The following ARMCX4 variants were observed in gnomAD, a reference collection of about 807,000 sequenced individuals.
ARMCX4 encodes the protein armadillo repeat containing X-linked 4.
ARMCX4 carries 3 observed loss-of-function variants against 34.7 expected under a neutral mutation model. The observed-to-expected ratio is 0.09, with a 90% CI of 0.04 to 0.22. The LOEUF (loss-of-function observed/expected upper bound fraction) is 0.22, where lower values mean the gene tolerates loss of function less well. ARMCX4 is among the 10% of genes least tolerant of loss of function. ARMCX4 has a pLI of 1.00. For synonymous variants in ARMCX4, 513 were observed against 632.8 expected, an observed-to-expected ratio of 0.81 and a Z score of 2.84; for missense variants, 1,448 against 1,720.8, an observed-to-expected ratio of 0.84 and a Z score of 2.81.
At chrX:101,445,263 A>T (rs186100340) in intron 3 of ARMCX4, among the ~76,000 whole-genome samples, 3 of 112,310 alleles carry the variant, frequency 2.7e-5, no homozygotes, top group Non-Finnish European at 5.6e-5. Flanking sequence ...TTATTTGTAG[A>T]GTACTGGGCT....
exon 10 of ARMCX4, chrX:101,509,662 A>G (rs1365704370): frequency 1.8e-5 from 2 of 111,266 alleles, no homozygotes; most frequent in African/African-American, 6.5e-5. Context: ...TGGCCCCCCA[A>G]AGTGCTGGGA....
intron 4 of ARMCX4, among the ~76,000 whole-genome samples, chrX:101,479,823 G>T (rs1356556796): frequency 1.8e-5 from 2 of 109,908 alleles, no homozygotes; most frequent in Non-Finnish European, 3.8e-5. Context: ...AGTCCAACAA[G>T]ATTTTTTAAA....
Position 101,525,585 on chromosome X carries a change from C to T in ARMCX4, c.*1781-6059C>T, listed in dbSNP as rs782456825. On this transcript the variant is annotated intron_variant and NMD_transcript_variant, in intron 11 of 12. Transcript: ENST00000354842. Reference sequence around the variant, plus strand: ...CTAAAAACCTTGAAAAAAGATTAGACGAATGGCTAACTAGAATAAACTGTG... The same window carrying T: ...CTAAAAACCTTGAAAAAAGATTAGATGAATGGCTAACTAGAATAAACTGTG... Among the ~76,000 whole-genome samples the T allele has an allele frequency of 1.3e-4, 15 of 111,151 alleles. No homozygotes were observed. In the East Asian group the frequency reaches 1.7e-3, roughly 13 times the overall value.
rs1929867512 is a variant in ARMCX4 at position 101,429,562 on chromosome X, C to G, written n.164+10562C>G. On this transcript the variant is annotated intron_variant and non_coding_transcript_variant, in intron 2 of 3. Transcript: ENST00000430461. The stretch of plus-strand genomic sequence containing the variant: ...TGTTGGCCAGGCTGGTCTCAAACTC[C>G]TGACCTCAGGTGATCTGCCCACCTC... 3.6e-5 allele frequency among the ~76,000 whole-genome samples: 4 copies of G among 110,806 alleles called. No homozygotes were observed. The South Asian group carries it at 1.5e-3, about 43-fold the overall frequency.
chrX:101,487,109 G>A (rs1382756985), intron 2 of ARMCX4, 84 bp from the exon 3 acceptor site: 3 of 102,089 alleles, frequency 2.9e-5, no homozygotes, highest in African/African-American at 1.1e-4. Flanking sequence ...ATCCAGGCAG[G>A]CAGGTACAGG....
downstream of ARMCX4, among the ~76,000 whole-genome samples, chrX:101,446,953 CAAA>C (rs140484288): frequency 1.0e-5 from 1 of 96,172 alleles, no homozygotes; most frequent in Non-Finnish European, 2.1e-5. Flanking sequence ...GACTCCGTCT[CAAA>C]AAAAAAAAAA....
At chrX:101,440,479 G>A (rs1469916880) in intron 2 of ARMCX4, among the ~76,000 whole-genome samples, 1 of 111,954 alleles carries the variant, frequency 8.9e-6, no homozygotes, top group Admixed American at 9.5e-5. Context: ...GCTGCGTGCT[G>A]GGAGAACCAC....
intron 2 of ARMCX4, among the ~76,000 whole-genome samples, 176 bp downstream of exon 2, chrX:101,486,268 G>T (rs1349406971): frequency 9.1e-6 from 1 of 110,247 alleles, no homozygotes; most frequent in African/African-American, 3.3e-5. Context: ...GAAGACCAAT[G>T]AAGACAGCAA....
chrX:101,497,184 G>C (rs939479839), downstream of ARMCX4, among the ~76,000 whole-genome samples: 2 of 111,135 alleles, frequency 1.8e-5, no homozygotes, highest in Non-Finnish European at 3.8e-5. Context: ...AATATTAATA[G>C]TTTTCTGTGG....
chrX:101,451,592 T>C (rs1555999098), downstream of ARMCX4, among the ~76,000 whole-genome samples: 1 of 110,858 alleles, frequency 9.0e-6, no homozygotes. Flanking sequence ...GTTGATAAAT[T>C]TGGTGTTCCT....
chrX:101,497,234 C>T (rs1446048041), downstream of ARMCX4, among the ~76,000 whole-genome samples: 1 of 110,409 alleles, frequency 9.1e-6, no homozygotes, highest in Non-Finnish European at 1.9e-5. Flanking sequence ...TGTTTTTTCT[C>T]TTTCTTTTTT....
Position 101,489,197 on chromosome X carries a change from A to G in ARMCX4, c.608A>G (p.Asn203Ser), listed in dbSNP as rs1218776459. Reference sequence around the variant, plus strand: ...TTGGCTGAAAAAGAGACAGAGATTAACAGAGTAATGGTTACACAGAGTGAG... The same window carrying G: ...TTGGCTGAAAAAGAGACAGAGATTAGCAGAGTAATGGTTACACAGAGTGAG... ...HILAEKETEI[N>S]RVMVTQSETL... The change falls in exon 6 of 6, where the codon AAC (asparagine) becomes AGC (serine). Residue 203 changes from asparagine to serine, a missense_variant. Around this residue, in one of 2 missense-constraint regions of ARMCX4, gnomAD observed 1,343 missense variants for 1,540.7 expected, o/e 0.87. Coordinates refer to ENST00000423738, the MANE Select transcript of ARMCX4 (RefSeq NM_001256155.3). 24 of 1,154,270 alleles carry G rather than the reference A, an allele frequency of 2.1e-5. No individual in the cohort carries two copies. The highest frequency in any genetic ancestry group is 2.8e-5 in the Non-Finnish European group (24 of 872,612).
At chrX:101,480,159 C>CAG (rs1282315274) in intron 4 of ARMCX4, among the ~76,000 whole-genome samples, 19 of 105,450 alleles carry the variant, frequency 1.8e-4, no homozygotes, top group Middle Eastern at 4.7e-3. Flanking sequence ...CACACACACA[C>CAG]ACACACACAC....
intron 11 of ARMCX4, among the ~76,000 whole-genome samples, chrX:101,529,733 A>G (rs1365356248): frequency 8.9e-6 from 1 of 112,714 alleles, no homozygotes; most frequent in Non-Finnish European, 1.9e-5. Context: ...ACATGAAAAA[A>G]TGCTCATCAT....
chrX:101,489,721 G>T lies in ARMCX4; in HGVS notation c.1132G>T (p.Val378Phe). The change falls in exon 6 of 6, where the codon GTT (valine) becomes TTT (phenylalanine). Residue 378 changes from valine to phenylalanine, a missense_variant. This residue lies in a region of ARMCX4 where 1,343 missense variants were observed against 1,540.7 expected (regional missense o/e 0.87). Transcript: ENST00000423738. Reference sequence around the variant, plus strand: ...GGCTGAGGTGACGTCTGGTGCCAGGGTTGATGGTAGGGGAAATACCAATGT... The same window carrying T: ...GGCTGAGGTGACGTCTGGTGCCAGGTTTGATGGTAGGGGAAATACCAATGT... ...KQAEVTSGAR[V>F]DGRGNTNVIS... 1 of 1,154,489 alleles carries T rather than the reference G, an allele frequency of 8.7e-7. No homozygotes were observed. The highest frequency in any genetic ancestry group is 1.1e-6 in the Non-Finnish European group (1 of 872,043).
intron 4 of ARMCX4, among the ~76,000 whole-genome samples, chrX:101,455,601 A>C (rs1300626150): frequency 8.9e-6 from 1 of 112,031 alleles, no homozygotes; most frequent in Non-Finnish European, 1.9e-5. Context: ...GCACAAAAAG[A>C]TAATGCTCCT....
At chrX:101,454,590 A>G (rs1258280524) in intron 4 of ARMCX4, among the ~76,000 whole-genome samples, 1 of 110,332 alleles carries the variant, frequency 9.1e-6, no homozygotes, top group East Asian at 2.9e-4. Flanking sequence ...CTGGCTCATC[A>G]TGGCCAATTT....
intron 2 of ARMCX4, among the ~76,000 whole-genome samples, chrX:101,427,795 G>T (rs139143003): frequency 0.047 from 5,243 of 111,276 alleles, 147 homozygotes; most frequent in Non-Finnish European, 0.073. Flanking sequence ...ACTCTTGTGG[G>T]AACTAATTCA....
intron 2 of ARMCX4, among the ~76,000 whole-genome samples, chrX:101,428,620 C>T (rs917738919): frequency 8.9e-6 from 1 of 111,745 alleles, no homozygotes; most frequent in Non-Finnish European, 1.9e-5. Context: ...CTCCATCTCT[C>T]TCTGTTCTCT....
Sources: gnomAD v4.1 joint callset for allele counts (sites outside exome capture counted in the v4.1 genomes callset) on GRCh38, gnomAD v4.1.1 for gene constraint, gnomAD v4.1.1 regional missense constraint, MANE v1.5 for transcripts, NCBI Gene and HGNC (gene_info 2026-07-23, HGNC 2026-07-21) for gene names.